EBF4: variants seen among roughly 807,000 people sequenced by gnomAD.
EBF4 encodes EBF transcription factor 4.
A neutral mutation model predicts 67.1 loss-of-function variants in EBF4; 34 were observed. The ratio of observed to expected loss-of-function variants is 0.51; its 90% CI spans 0.39 to 0.67. The LOEUF (loss-of-function observed/expected upper bound fraction) is 0.67. EBF4 is among the 30% of genes least tolerant of loss of function. The pLI, the probability that EBF4 is intolerant of heterozygous loss-of-function variation, is 0.00. For missense variants in EBF4, 837 were observed against 873.3 expected (o/e 0.96, Z 0.52); for synonymous variants, 387 against 377.7 (o/e 1.02, Z -0.29).
chr20:2,752,823 C>T (rs1438778675), intron 14 of EBF4, among the ~76,000 whole-genome samples: 1 of 152,258 alleles, frequency 6.6e-6, no homozygotes, highest in African/African-American at 2.4e-5. Flanking sequence ...GCTTCTAGGC[C>T]TCCGGTCCCC....
At chr20:2,724,756 T>C (rs930317825) in intron 6 of EBF4, among the ~76,000 whole-genome samples, 2 of 152,084 alleles carry the variant, frequency 1.3e-5, no homozygotes, top group African/African-American at 4.8e-5. Flanking sequence ...ATTAAAAAAT[T>C]AGCCATGTGT....
chr20:2,753,393 G>A (rs556038895), intron 14 of EBF4, among the ~76,000 whole-genome samples: 2 of 152,306 alleles, frequency 1.3e-5, no homozygotes, highest in East Asian at 1.9e-4. Context: ...ATTTTACACT[G>A]CCCTCAAGAC....
intron 6 of EBF4, among the ~76,000 whole-genome samples, chr20:2,732,122 G>A (rs1445940075): frequency 6.7e-6 from 1 of 149,522 alleles, no homozygotes; most frequent in Non-Finnish European, 1.5e-5. Flanking sequence ...TTTCTTTTGA[G>A]ACAGGGTCTC....
chr20:2,701,416 A>G (rs2087373310), intron 1 of EBF4, among the ~76,000 whole-genome samples: 1 of 152,178 alleles, frequency 6.6e-6, no homozygotes, highest in Admixed American at 6.5e-5. Context: ...CCCCTCCTGC[A>G]GGGATGCTGA....
intron 1 of EBF4, among the ~76,000 whole-genome samples, chr20:2,699,748 C>T (rs1435491640): frequency 6.6e-6 from 1 of 152,198 alleles, no homozygotes; most frequent in Non-Finnish European, 1.5e-5. Flanking sequence ...AGTGAATAAG[C>T]TGTTTCTGAA....
exon 8 of EBF4, chr20:2,749,489 G>T (rs765625561): frequency 1.3e-6 from 2 of 1,548,170 alleles, no homozygotes; most frequent in African/African-American, 1.4e-5. Context: ...AAGCATGGCC[G>T]CAGGGCGCGC....
At chr20:2,744,517 G>A (rs1326939784) in intron 6 of EBF4, among the ~76,000 whole-genome samples, 1 of 109,852 alleles carries the variant, frequency 9.1e-6, no homozygotes, top group African/African-American at 4.0e-5. Context: ...TTTGAGACAG[G>A]GTCTCACTCT....
intron 6 of EBF4, among the ~76,000 whole-genome samples, chr20:2,724,341 T>C (rs2087722016): frequency 6.6e-6 from 1 of 152,236 alleles, no homozygotes; most frequent in South Asian, 2.1e-4. Flanking sequence ...TGCTTTTTTA[T>C]TATATATGAA....
intron 1 of EBF4, among the ~76,000 whole-genome samples, chr20:2,703,663 G>C (rs1339791852): frequency 7.0e-6 from 1 of 142,584 alleles, no homozygotes; most frequent in Middle Eastern, 3.2e-3. Context: ...ATCCTGCCTT[G>C]AAGAAAAAAA....
chr20:2,749,217 CA>C (rs2088099398), intron 7 of EBF4, among the ~76,000 whole-genome samples, 183 bp from the exon 8 acceptor site: 2 of 152,154 alleles, frequency 1.3e-5, no homozygotes, highest in Non-Finnish European at 2.9e-5. Flanking sequence ...CTGGGGGTAT[CA>C]CCTGATCCAG....
chr20:2,733,145 G>C (rs2087836148), intron 6 of EBF4, among the ~76,000 whole-genome samples: 3 of 152,112 alleles, frequency 2.0e-5, no homozygotes, highest in Admixed American at 2.0e-4. Context: ...TTTTGAAGTT[G>C]ATCATTTTAG....
rs969250413 is a variant in EBF4, at chr20:2,747,068, G to C, written c.558-1481G>C. On this transcript the variant is annotated intron_variant, in intron 6 of 16. Coordinates refer to ENST00000609451, the Ensembl canonical transcript of EBF4. This position sits in a 1 kb window ranked among gnomAD's most constrained non-coding sequence, Gnocchi z 4.6. Reference sequence around the variant, plus strand: ...AACACTTTGGGAGGCCGAGGTGGGTGAATCACCTGAGGTCAGGAATCGAGA... The same window carrying C: ...AACACTTTGGGAGGCCGAGGTGGGTCAATCACCTGAGGTCAGGAATCGAGA... Among the ~76,000 whole-genome samples, 8 of 152,188 alleles carry C rather than the reference G, an allele frequency of 5.3e-5. No homozygotes were observed. The highest frequency in any genetic ancestry group is 1.9e-4 in the African/African-American group (8 of 41,462).
At chr20:2,750,087 G>A in intron 10 of EBF4, 114 bp downstream of exon 10, 1 of 1,407,718 alleles carries the variant, frequency 7.1e-7, no homozygotes, top group Non-Finnish European at 9.3e-7. Context: ...CTGTGGCCAC[G>A]ACCCCTAGAC....
At chr20:2,717,589 AATTC>A (rs1181212108) in intron 6 of EBF4, among the ~76,000 whole-genome samples, 1 of 152,102 alleles carries the variant, frequency 6.6e-6, no homozygotes, top group Non-Finnish European at 1.5e-5. Flanking sequence ...TATGTTTTCT[AATTC>A]TTTGTTTATA....
chr20:2,720,811 T>G (rs2087669841), intron 6 of EBF4, among the ~76,000 whole-genome samples: 1 of 152,198 alleles, frequency 6.6e-6, no homozygotes, highest in African/African-American at 2.4e-5. Context: ...TCCTTAAATA[T>G]TTCTTGTATT....
intron 6 of EBF4, among the ~76,000 whole-genome samples, chr20:2,717,931 C>G (rs1333842721): frequency 6.6e-6 from 1 of 152,006 alleles, no homozygotes; most frequent in African/African-American, 2.4e-5. Context: ...CTGCCTCAGC[C>G]TCCTGAGTAG....
intron 6 of EBF4, among the ~76,000 whole-genome samples, chr20:2,711,996 A>G (rs1353655885): frequency 1.3e-5 from 2 of 152,018 alleles, no homozygotes; most frequent in East Asian, 3.9e-4. Context: ...TGCTGTGTTT[A>G]AGGGAAAACA....
chr20:2,755,929 G>A lies in EBF4; in HGVS notation c.1738+105G>A. 7 of 1,148,788 alleles carry A rather than the reference G, an allele frequency of 6.1e-6. No individual in the cohort carries two copies. The South Asian group carries it at 1.1e-4, about 18-fold the overall frequency. The allele number at this position is 1,148,788 out of a possible 1,614,324, so 71.2% of individuals were successfully genotyped here. ...CCACATCTCACCAGTGCCTCATGCT[G>A]GCTAACCTGCTCTTCTTGGAGGACG... is the stretch of plus-strand genomic sequence containing the variant. On this transcript the variant is annotated intron_variant, in intron 15 of 16. Transcript: ENST00000609451. This position sits in a 1 kb window ranked among gnomAD's most constrained non-coding sequence, Gnocchi z 4.7.
At chr20:2,719,335 C>T (rs377270086) in intron 6 of EBF4, among the ~76,000 whole-genome samples, 3 of 152,276 alleles carry the variant, frequency 2.0e-5, no homozygotes, top group South Asian at 2.1e-4. Context: ...AGTGCAGTGG[C>T]GCAATCTCGG....
Sources: gnomAD v4.1 joint callset for allele counts (sites outside exome capture counted in the v4.1 genomes callset) on GRCh38, gnomAD v4.1.1 for gene constraint, Gnocchi (gnomAD v3.1) non-coding constraint, MANE v1.5 for transcripts, NCBI Gene and HGNC (gene_info 2026-07-23, HGNC 2026-07-21) for gene names.